The following PKD1 variants were observed in gnomAD, a reference collection of about 807,000 sequenced individuals.
PKD1 encodes the protein polycystin-1.
PKD1 carries 81 observed loss-of-function variants against 361.7 expected under a neutral mutation model. The ratio of observed to expected loss-of-function variants is 0.22; its 90% CI spans 0.19 to 0.27. The LOEUF (loss-of-function observed/expected upper bound fraction) is 0.27. PKD1 is among the 10% of genes least tolerant of loss of function. The probability of loss-of-function intolerance (pLI) is 1.00; values close to 1 mark genes in which losing one functional copy is unlikely to be tolerated. For synonymous variants in PKD1, 3,615 were observed against 2,818.3 expected, an observed-to-expected ratio of 1.28 and a Z score of -8.95; for missense variants, 6,399 against 6,118.3, an observed-to-expected ratio of 1.05 and a Z score of -1.53.
At chr16:2,134,575 C>T (rs2092927802) in intron 1 of PKD1, among the ~76,000 whole-genome samples, 1 of 151,204 alleles carries the variant, frequency 6.6e-6, no homozygotes, top group Non-Finnish European at 1.5e-5. Flanking sequence ...GGGTCCTGGG[C>T]ACCTCATAGT....
At chr16:2,131,940 A>C (rs1490256449) in intron 1 of PKD1, 2 of 152,100 alleles carry the variant, frequency 1.3e-5, no homozygotes, top group African/African-American at 2.4e-5. Context: ...GCTTTGCTTG[A>C]CCAGCCTTAA....
At chr16:2,099,032 G>C (rs1236327756) in intron 30 of PKD1, 1 of 179,698 alleles carries the variant, frequency 5.6e-6, no homozygotes, top group African/African-American at 2.5e-5. Flanking sequence ...GGGTTTCATT[G>C]TGTTGGCCAG....
At chr16:2,129,198 C>A (rs1396313715) in intron 1 of PKD1, among the ~76,000 whole-genome samples, 1 of 146,190 alleles carries the variant, frequency 6.8e-6, no homozygotes, top group Non-Finnish European at 1.5e-5. Flanking sequence ...GTTTCCTAGT[C>A]GCCCAGGCTG....
chr16:2,090,390 C>A lies in PKD1; in HGVS notation c.12339G>T (p.Leu4113Phe). ...AGGCCGGCCGGTACAGCTCTCCACG[C>A]AAGGCGTGGTAGCGCCAGCGGAGAA... Reference protein sequence around the residue: ...AVILRWRYHALRGELYRPAWE... With the variant: ...AVILRWRYHAFRGELYRPAWE... The change falls in exon 45 of 46, where the codon TTG becomes TTT. Residue 4113 changes from leucine (L) to phenylalanine (F), a missense_variant. Physicochemically the swap from Leu to Phe is conservative, Grantham distance 22. Coordinates refer to ENST00000262304, the MANE Select transcript of PKD1 (RefSeq NM_001009944.3). 2 of 1,612,708 alleles carry A rather than the reference C, an allele frequency of 1.2e-6. No individual in the cohort carries two copies. The highest frequency in any genetic ancestry group is 1.1e-5 in the South Asian group (1 of 91,086).
Position 2,108,954 on chromosome 16 carries a change from G to A in PKD1, c.6213C>T (p.Cys2071=), listed in dbSNP as rs756438676. Residue 2071 remains cysteine (C), a synonymous_variant, in exon 15 of 46, where the codon TGC becomes TGT. Coordinates refer to ENST00000262304, the MANE Select transcript of PKD1 (RefSeq NM_001009944.3). The part of the protein sequence containing the change: ...VQYVALQSGP[C]FTNRSAQFEA... ...CAAACTGCGCCGAGCGGTTGGTGAAGCAGGGGCCGCTCTGCAGGGCCACAT... is the reference window on the plus strand; with the variant it reads ...CAAACTGCGCCGAGCGGTTGGTGAAACAGGGGCCGCTCTGCAGGGCCACAT... 20 of 1,607,640 alleles carry A rather than the reference G, an allele frequency of 1.2e-5. No individual in the cohort carries two copies. The highest frequency in any genetic ancestry group is 2.1e-4 in the Middle Eastern group (1 of 4,660).
chr16:2,089,340 A>T lies in PKD1; in HGVS notation c.*387T>A. ...GTACGGTAGGAACTGGAGAGGTAAT[A>T]ACTTAGGGGCAGGGTGGCGGCGGTG... On this transcript the variant is annotated 3_prime_UTR_variant, in exon 46 of 46. Transcript: ENST00000262304. 1 of 321,552 alleles carries T rather than the reference A, an allele frequency of 3.1e-6. No homozygotes were observed. Among genetic ancestry groups the T allele is most frequent in the Non-Finnish European group, 5.8e-6 (1 of 171,478 alleles). The allele number at this position is 321,552 out of a possible 1,614,324, so 19.9% of individuals were successfully genotyped here.
rs530125482 is a variant in PKD1 at position 2,114,954 on chromosome 16, C to T, written c.2098-29G>A. 271 of 1,526,164 alleles carry T rather than the reference C, an allele frequency of 1.8e-4. No homozygotes were observed. In the African/African-American group the frequency reaches 2.5e-3, roughly 14 times the overall value. 94.5% of individuals were successfully genotyped at this position (1,526,164 alleles called of 1,614,324 possible). ...TGGAGAGGGAGGCAGGGCTGCATCA[C>T]GTCCTCACGGTCATGGCCCGTGGAC... On this transcript the variant is annotated intron_variant, in intron 10 of 45. Coordinates refer to ENST00000262304, the MANE Select transcript of PKD1 (RefSeq NM_001009944.3).
At chr16:2,127,303 G>A (rs1287967818) in intron 1 of PKD1, among the ~76,000 whole-genome samples, 1 of 152,080 alleles carries the variant, frequency 6.6e-6, no homozygotes, top group Non-Finnish European at 1.5e-5. Flanking sequence ...TCCCAGCCCC[G>A]CACGTCTCAC....
chr16:2,127,594 G>A (rs762079623), intron 1 of PKD1, among the ~76,000 whole-genome samples: 19 of 152,034 alleles, frequency 1.2e-4, no homozygotes, highest in Non-Finnish European at 2.5e-4. Flanking sequence ...GGAGGACAGG[G>A]GAATGGGCCC....
At chr16:2,097,597 G>C in intron 32 of PKD1, 94 bp from the exon 33 acceptor site, 3 of 1,609,484 alleles carry the variant, frequency 1.9e-6, no homozygotes, top group Non-Finnish European at 2.5e-6. Context: ...GGGCTTCCGA[G>C]CAAACCTGCT....
intron 1 of PKD1, among the ~76,000 whole-genome samples, chr16:2,122,254 C>T (rs930713019): frequency 1.6e-4 from 24 of 152,382 alleles, no homozygotes; most frequent in Non-Finnish European, 1.3e-4. Flanking sequence ...CGGAGCTTCT[C>T]GTTCCATCTG....
rs367762249 is a variant in PKD1, at chr16:2,089,718, G to T, written c.*9C>A. ...CGACTCCACGGCCCACCCCCGCCAG[G>T]AAGGAGGACTAAGTGCTGCTGGGGT... On this transcript the variant is annotated 3_prime_UTR_variant, in exon 46 of 46. Transcript: ENST00000262304. The T allele has an allele frequency of 7.0e-6, 11 of 1,574,300 alleles. No homozygotes were observed. The African/African-American group carries it at 1.5e-4, about 21-fold the overall frequency.
Position 2,118,488 on chromosome 16 carries a change from G to C in PKD1, c.530-26C>G. ...CTAGAAGAGGCAGCCACTGGACCCC[G>C]GGTTCTGCTCCTCCTGGCTCCACCC... On this transcript the variant is annotated intron_variant, in intron 4 of 45. Transcript: ENST00000262304. This position sits in a 1 kb window ranked among gnomAD's most constrained non-coding sequence, Gnocchi z 6.0. 1.5e-6 allele frequency: 2 copies of C among 1,326,974 alleles called. No individual in the cohort carries two copies. Among genetic ancestry groups the C allele is most frequent in the Non-Finnish European group, 2.1e-6 (2 of 955,870 alleles). 82.2% of individuals were successfully genotyped at this position (1,326,974 alleles called of 1,614,324 possible).
In PKD1 at chr16:2,110,478, A is replaced by C; in HGVS notation, c.4689T>G (p.Asn1563Lys). 6.2e-7 allele frequency: 1 copy of C among 1,612,464 alleles called. No individual in the cohort carries two copies. The part of the protein sequence containing the change: ...VNASRTVVPL[N>K]GSVSFSTSLE... ...GCGACGTGCTGAAGCTCACGCTCCCATTCAGGGGCACCACCGTGCGGCTTG... is the reference window on the plus strand; with the variant it reads ...GCGACGTGCTGAAGCTCACGCTCCCCTTCAGGGGCACCACCGTGCGGCTTG... The change falls in exon 15 of 46, where the codon AAT (asparagine) becomes AAG (lysine). Residue 1563 changes from asparagine (N) to lysine (K), a missense_variant. Physicochemically the swap from Asn to Lys is moderately conservative, Grantham distance 94. Coordinates refer to ENST00000262304, the MANE Select transcript of PKD1 (RefSeq NM_001009944.3).
At chr16:2,092,411 G>T in intron 39 of PKD1, 69 bp downstream of exon 39, 1 of 1,156,400 alleles carries the variant, frequency 8.6e-7, no homozygotes, top group Non-Finnish European at 1.3e-6. Context: ...TGATGCCAGA[G>T]CTCCGCTAAA....
At chr16:2,102,681 G>A (rs769742458) in intron 24 of PKD1, 48 bp from the exon 25 acceptor site, 7 of 1,610,170 alleles carry the variant, frequency 4.3e-6, no homozygotes, top group Middle Eastern at 2.2e-4. Context: ...CCGCCAGGTT[G>A]GATGTCGCAG....
chr16:2,117,285 G>T (rs1209348034), intron 6 of PKD1, among the ~76,000 whole-genome samples: 4 of 152,202 alleles, frequency 2.6e-5, no homozygotes, highest in Non-Finnish European at 5.9e-5. Flanking sequence ...GCGTGCCCAG[G>T]AGTGTCCGGA....
At position 2,105,390 on chromosome 16, in the gene PKD1, G is replaced by A. The variant is rs934657685; in HGVS notation, c.7948C>T (p.Leu2650=). Residue 2650 remains leucine (L), a synonymous_variant, in exon 21 of 46, where the codon CTG becomes TTG. Transcript: ENST00000262304. ...AQIRKNITET[L]VSLRVHTVDD... ...ACAGTGTGGACCCTCAGGGACACCA[G>A]AGTCTCCGTGATGTTCTTGCGTATC... 1.3e-6 allele frequency: 2 copies of A among 1,585,882 alleles called. No individual in the cohort carries two copies. Among genetic ancestry groups the A allele is most frequent in the Non-Finnish European group, 1.7e-6 (2 of 1,171,968 alleles).
At chr16:2,113,315 C>A in intron 11 of PKD1, 23 bp from the exon 12 acceptor site, 4 of 1,595,476 alleles carry the variant, frequency 2.5e-6, no homozygotes, top group Non-Finnish European at 3.4e-6. Flanking sequence ...TGGTGTCAGC[C>A]TGGGCTCTGT....
Sources: gnomAD v4.1 joint callset for allele counts (sites outside exome capture counted in the v4.1 genomes callset) on GRCh38, gnomAD v4.1.1 for gene constraint, Gnocchi (gnomAD v3.1) non-coding constraint, MANE v1.5 for transcripts, NCBI Gene and HGNC (gene_info 2026-07-23, HGNC 2026-07-21) for gene names.